Variants in AOPEP observed in about 807,000 individuals in gnomAD.
AOPEP encodes the protein aminopeptidase O (putative).
AOPEP carries 77 observed loss-of-function variants against 98.1 expected under a neutral mutation model. The ratio of observed to expected loss-of-function variants is 0.78; its 90% CI spans 0.65 to 0.95. AOPEP has a LOEUF of 0.95. Among genes scored for constraint, AOPEP ranks in the 40% least tolerant of loss-of-function variants. AOPEP has a pLI of 0.00. For missense variants in AOPEP, 1,024 were observed against 1,024.7 expected, an observed-to-expected ratio of 1.00 and a Z score of 0.01; for synonymous variants, 346 against 365.3, an observed-to-expected ratio of 0.95 and a Z score of 0.60.
chr9:95,046,118 A>T (rs2065845768), intron 13 of AOPEP, among the ~76,000 whole-genome samples: 1 of 152,234 alleles, frequency 6.6e-6, no homozygotes, highest in Non-Finnish European at 1.5e-5. Flanking sequence ...CAAAATGGAG[A>T]TTATAAAAAT....
chr9:95,039,328 A>G (rs1407003577), intron 13 of AOPEP, among the ~76,000 whole-genome samples: 1 of 152,084 alleles, frequency 6.6e-6, no homozygotes, highest in African/African-American at 2.4e-5. Context: ...GCACTTTGGG[A>G]GGCTGAGGCG....
At chr9:94,868,338 A>T (rs2045938805) in intron 5 of AOPEP, among the ~76,000 whole-genome samples, 1 of 152,160 alleles carries the variant, frequency 6.6e-6, no homozygotes, top group African/African-American at 2.4e-5. Context: ...CCTGCAAATC[A>T]CTTGATCTCA....
the AOPEP span, chr9:95,125,248 G>C: frequency 2.3e-6 from 3 of 1,333,062 alleles, no homozygotes; most frequent in Non-Finnish European, 3.2e-6. Context: ...ATGAAAACCT[G>C]CACTGTATAA....
intron 5 of AOPEP, among the ~76,000 whole-genome samples, chr9:94,870,139 C>G (rs2046179542): frequency 6.6e-6 from 1 of 152,038 alleles, no homozygotes; most frequent in South Asian, 2.1e-4. Flanking sequence ...TAGGCACACG[C>G]CACCATGCCT....
intron 14 of AOPEP, among the ~76,000 whole-genome samples, chr9:95,068,777 C>T (rs1282940537): frequency 1.3e-5 from 2 of 152,206 alleles, no homozygotes; most frequent in East Asian, 3.9e-4. Flanking sequence ...GCCTGTTTCT[C>T]TAGCTCTTGA....
chr9:94,774,812 C>G (rs1841720512), intron 3 of AOPEP, among the ~76,000 whole-genome samples: 1 of 152,138 alleles, frequency 6.6e-6, no homozygotes, highest in African/African-American at 2.4e-5. Context: ...TTTATACATT[C>G]ATCTGTAGTT....
At chr9:94,918,487 G>A (rs112580378) in intron 5 of AOPEP, among the ~76,000 whole-genome samples, 94 of 152,286 alleles carry the variant, frequency 6.2e-4, no homozygotes, top group African/African-American at 2.2e-3. Context: ...GGCACAGAGG[G>A]ACGGGAGCCC....
intron 13 of AOPEP, among the ~76,000 whole-genome samples, chr9:95,016,397 C>T (rs1202742795): frequency 6.6e-6 from 1 of 151,840 alleles, no homozygotes; most frequent in Non-Finnish European, 1.5e-5. Context: ...GCACCCACCA[C>T]CACGCCTGGC....
At chr9:95,011,211 A>ATTTT (rs71366270) in intron 13 of AOPEP, among the ~76,000 whole-genome samples, 6 of 112,796 alleles carry the variant, frequency 5.3e-5, no homozygotes, top group East Asian at 2.5e-4. Flanking sequence ...CTAGCCATTG[A>ATTTT]TTTTTTTTTT....
chr9:94,842,545 CTA>C (rs2042394821), intron 5 of AOPEP, among the ~76,000 whole-genome samples: 1 of 152,122 alleles, frequency 6.6e-6, no homozygotes, highest in Admixed American at 6.5e-5. Flanking sequence ...TCAGACAATC[CTA>C]TGTTTGCTTT....
chr9:94,782,653 G>A (rs1843549023), intron 3 of AOPEP, among the ~76,000 whole-genome samples: 1 of 152,240 alleles, frequency 6.6e-6, no homozygotes, highest in African/African-American at 2.4e-5. Flanking sequence ...TTATGATTAA[G>A]TATTTTCCTC....
chr9:94,737,052 A>G (rs1030827004), intron 1 of AOPEP, among the ~76,000 whole-genome samples: 13 of 152,174 alleles, frequency 8.5e-5, no homozygotes, highest in Non-Finnish European at 2.9e-5. Context: ...ACTGGAGTGA[A>G]AGGATATGTC....
chr9:95,124,103 CAAAAAAAAA>C, the AOPEP span, among the ~76,000 whole-genome samples: 7 of 43,550 alleles, frequency 1.6e-4, no homozygotes, highest in Admixed American at 6.5e-4. Context: ...AACCTTGTCT[CAAAAAAAAA>C]AAAAAAAAAA....
intron 3 of AOPEP, among the ~76,000 whole-genome samples, chr9:94,780,999 A>G (rs1843117489): frequency 6.6e-6 from 1 of 152,098 alleles, no homozygotes. Flanking sequence ...AAGGGAAATC[A>G]TTTCTCCTAA....
intron 5 of AOPEP, among the ~76,000 whole-genome samples, chr9:94,820,055 C>A (rs1162273034): frequency 6.7e-6 from 1 of 149,110 alleles, no homozygotes; most frequent in African/African-American, 2.5e-5. Flanking sequence ...AAGTCATTCT[C>A]CTGCCTCACC....
the AOPEP span, chr9:95,101,272 TAA>T: frequency 6.5e-6 from 2 of 310,018 alleles, no homozygotes; most frequent in East Asian, 4.8e-5. Flanking sequence ...CCCTGACTCC[TAA>T]AAAGAGTCTA....
At chr9:95,059,037 G>A (rs1326044746) in intron 13 of AOPEP, among the ~76,000 whole-genome samples, 3 of 152,254 alleles carry the variant, frequency 2.0e-5, no homozygotes, top group Non-Finnish European at 4.4e-5. Context: ...CCTACCAGAG[G>A]CTGGGCGCCT....
chr9:95,105,895 TCTGCCTG>T, the AOPEP span, among the ~76,000 whole-genome samples: 4 of 152,216 alleles, frequency 2.6e-5, no homozygotes, highest in African/African-American at 9.6e-5. Context: ...TTAGGCCATC[TCTGCCTG>T]CTGGCTGCTG....
At chr9:94,881,809 A>G (rs1206892991) in intron 5 of AOPEP, among the ~76,000 whole-genome samples, 3 of 152,134 alleles carry the variant, frequency 2.0e-5, no homozygotes, top group African/African-American at 7.2e-5. Flanking sequence ...TGTGTGGAAA[A>G]ATCTTAGGAA....
Sources: gnomAD v4.1 joint callset for allele counts (sites outside exome capture counted in the v4.1 genomes callset) on GRCh38, gnomAD v4.1.1 for gene constraint, MANE v1.5 for transcripts, NCBI Gene and HGNC (gene_info 2026-07-23, HGNC 2026-07-21) for gene names.